The following MED9 variants were observed in gnomAD, a reference collection of about 807,000 sequenced individuals.
The protein encoded by MED9 is mediator of RNA polymerase II transcription subunit 9.
In MED9, 8 loss-of-function variants were observed where a neutral mutation model predicts 13.2. The observed-to-expected ratio is 0.61, with a 90% CI of 0.36 to 1.10. MED9 has a LOEUF of 1.10. Ranked by LOEUF, MED9 falls within the 50% of genes least tolerant of loss-of-function variation. The probability of loss-of-function intolerance (pLI) is 0.02; values close to 1 mark genes in which losing one functional copy is unlikely to be tolerated. For synonymous variants in MED9, 87 were observed against 82.8 expected (o/e 1.05, Z -0.28); for missense variants, 180 against 193.4 (o/e 0.93, Z 0.41).
At chr17:17,488,663 A>G (rs1023783824) in intron 1 of MED9, among the ~76,000 whole-genome samples, 1 of 152,156 alleles carries the variant, frequency 6.6e-6, no homozygotes, top group East Asian at 1.9e-4. Flanking sequence ...GAGAAACACC[A>G]TCTCTACTAA....
At chr17:17,480,377 A>C (rs1394043714) in intron 1 of MED9, among the ~76,000 whole-genome samples, 1 of 152,012 alleles carries the variant, frequency 6.6e-6, no homozygotes, top group Non-Finnish European at 1.5e-5. Flanking sequence ...ATTAATTCTG[A>C]GAAAATGAAC....
chr17:17,491,161 T>C (rs1567640574), intron 1 of MED9, 118 bp from the exon 2 acceptor site: 1 of 992,998 alleles, frequency 1.0e-6, no homozygotes, highest in Non-Finnish European at 1.5e-6. Flanking sequence ...GATAGACACA[T>C]AAAACGAAGT....
At chr17:17,490,366 C>T (rs772057184) in intron 1 of MED9, among the ~76,000 whole-genome samples, 5 of 152,292 alleles carry the variant, frequency 3.3e-5, no homozygotes, top group East Asian at 3.9e-4. Context: ...AACCGGGACC[C>T]GGGAGGTGGA....
Position 17,491,817 on chromosome 17 carries a change from T to G in MED9, c.*322T>G, listed in dbSNP as rs1042203108. 5 of 375,452 alleles carry G rather than the reference T, an allele frequency of 1.3e-5. No homozygotes were observed. Among genetic ancestry groups the G allele is most frequent in the Admixed American group, 1.1e-4 (3 of 26,358 alleles). 23.3% of individuals were successfully genotyped at this position (375,452 alleles called of 1,614,324 possible). On this transcript the variant is annotated 3_prime_UTR_variant, in exon 2 of 2. Coordinates refer to ENST00000268711, the MANE Select transcript of MED9 (RefSeq NM_018019.3). ...TGCCTCTGGGGAGGGGGCCATCTGC[T>G]GCGCCCGGCCCCACTGACAGATCTG... is the stretch of plus-strand genomic sequence containing the variant.
rs774489537 is a variant in MED9 at position 17,477,008 on chromosome 17, C to T, written c.-34C>T. 9 of 1,600,880 alleles carry T rather than the reference C, an allele frequency of 5.6e-6. No homozygotes were observed. The highest frequency in any genetic ancestry group is 3.4e-6 in the Non-Finnish European group (4 of 1,179,218). ...CGTGTAGAGTGCGCGACGCTTTTGG[C>T]GACCCGACCTCTGGCTAACCTACCC... On this transcript the variant is annotated 5_prime_UTR_variant, in exon 1 of 2. Coordinates refer to ENST00000268711, the MANE Select transcript of MED9 (RefSeq NM_018019.3).
chr17:17,485,239 A>C, intron 1 of MED9: 1 of 396,946 alleles, frequency 2.5e-6, no homozygotes, highest in African/African-American at 2.1e-5. Context: ...CTCTGTCTAC[A>C]GGCACACGCC....
At chr17:17,490,971 G>C (rs1905216418) in intron 1 of MED9, among the ~76,000 whole-genome samples, 1 of 152,186 alleles carries the variant, frequency 6.6e-6, no homozygotes, top group African/African-American at 2.4e-5. Flanking sequence ...CTGGGCCGGG[G>C]GTAGGGAGAC....
intron 1 of MED9, among the ~76,000 whole-genome samples, chr17:17,478,739 C>T (rs568749052): frequency 2.0e-5 from 3 of 152,160 alleles, no homozygotes; most frequent in South Asian, 4.2e-4. Flanking sequence ...TGCCTGTAAT[C>T]CCAGCTACTC....
intron 1 of MED9, among the ~76,000 whole-genome samples, chr17:17,481,186 A>C (rs1242514): frequency 0.68 from 103,461 of 152,040 alleles, 35,929 homozygotes; most frequent in Non-Finnish European, 0.76. Flanking sequence ...AAGACACAGT[A>C]CTGGCGGGTG....
chr17:17,477,009 G>T lies in MED9; in HGVS notation c.-33G>T, dbSNP rs1245347162. On this transcript the variant is annotated 5_prime_UTR_variant, in exon 1 of 2. Coordinates refer to ENST00000268711, the MANE Select transcript of MED9 (RefSeq NM_018019.3). ...GTGTAGAGTGCGCGACGCTTTTGGC[G>T]ACCCGACCTCTGGCTAACCTACCCC... is the stretch of plus-strand genomic sequence containing the variant. 1.2e-6 allele frequency: 2 copies of T among 1,601,274 alleles called. No individual in the cohort carries two copies. The highest frequency in any genetic ancestry group is 1.3e-5 in the African/African-American group (1 of 74,828).
intron 1 of MED9, 118 bp downstream of exon 1, chr17:17,477,383 A>ACC: frequency 8.6e-7 from 1 of 1,165,462 alleles, no homozygotes; most frequent in Non-Finnish European, 1.2e-6. Context: ...AGATGGGGAA[A>ACC]CTCAGACCCA....
intron 1 of MED9, among the ~76,000 whole-genome samples, chr17:17,484,565 C>G (rs1208413822): frequency 6.6e-6 from 1 of 152,274 alleles, no homozygotes; most frequent in East Asian, 1.9e-4. Context: ...AGTGCCCACA[C>G]TGGCTTCCCG....
intron 1 of MED9, among the ~76,000 whole-genome samples, chr17:17,482,468 C>T (rs1483806783): frequency 6.6e-6 from 1 of 152,222 alleles, no homozygotes; most frequent in Non-Finnish European, 1.5e-5. Flanking sequence ...TCCCTATAAA[C>T]TGTCCATTTC....
chr17:17,481,290 ATTCTTTGTTTAC>A lies in MED9; in HGVS notation c.224+4031_224+4042del, dbSNP rs558527620. Among the ~76,000 whole-genome samples the A allele has an allele frequency of 7.2e-4, 110 of 152,270 alleles. 1 individual carries two copies. The highest frequency in any genetic ancestry group is 2.5e-3 in the African/African-American group (105 of 41,556). On this transcript the variant is annotated intron_variant, in intron 1 of 1. Coordinates refer to ENST00000268711, the MANE Select transcript of MED9 (RefSeq NM_018019.3). ...CTATAACTTCCCCAATGATCCTTTT[ATTCTTTGTTTAC>A]TTCTTGCACAGGGGTGAGTAAGGAG...
rs1056248777 is a variant in MED9, at chr17:17,491,354, C to T, written c.300C>T (p.Leu100=). Residue 100 remains leucine (L), a synonymous_variant, in exon 2 of 2, where the codon CTC becomes CTT. Coordinates refer to ENST00000268711, the MANE Select transcript of MED9 (RefSeq NM_018019.3). The stretch of plus-strand genomic sequence containing the variant: ...GCAAGTTCCAGGAGATGCGCAAGCT[C>T]ATCAGCACCATGCCCGGCATCCACC... The part of the protein sequence containing the change: ...LKSKFQEMRK[L]ISTMPGIHLS... 2.4e-5 allele frequency: 38 copies of T among 1,613,928 alleles called. No homozygotes were observed. The highest frequency in any genetic ancestry group is 3.0e-5 in the Non-Finnish European group (35 of 1,180,046).
intron 1 of MED9, among the ~76,000 whole-genome samples, chr17:17,481,538 A>G (rs2142470735): frequency 6.6e-6 from 1 of 152,324 alleles, no homozygotes; most frequent in South Asian, 2.1e-4. Context: ...TATGAATGTC[A>G]TTTCAAAAAT....
chr17:17,485,299 G>C (rs906188112), intron 1 of MED9: 11 of 398,306 alleles, frequency 2.8e-5, no homozygotes, highest in Non-Finnish European at 4.0e-5. Flanking sequence ...TGTATTTTTA[G>C]TAGAGACGGG....
In MED9 at chr17:17,491,552, C is replaced by T. The variant is rs1280668683; in HGVS notation, c.*57C>T. ...AGCCAATGGCCTGTCTCCCCACTAC[C>T]ATCCCCAAACGCTCCTTGGGGCGTG... On this transcript the variant is annotated 3_prime_UTR_variant, in exon 2 of 2. Transcript: ENST00000268711. 1 of 1,476,868 alleles carries T rather than the reference C, an allele frequency of 6.8e-7. No individual in the cohort carries two copies. Among genetic ancestry groups the T allele is most frequent in the Non-Finnish European group, 9.4e-7 (1 of 1,062,150 alleles). 91.5% of individuals were successfully genotyped at this position (1,476,868 alleles called of 1,614,324 possible).
chr17:17,488,982 A>G (rs1164670769), intron 1 of MED9, among the ~76,000 whole-genome samples: 5 of 152,180 alleles, frequency 3.3e-5, no homozygotes, highest in African/African-American at 1.2e-4. Context: ...CCTTGAACAC[A>G]AAGGTAGGCC....
Sources: gnomAD v4.1 joint callset for allele counts (sites outside exome capture counted in the v4.1 genomes callset) on GRCh38, gnomAD v4.1.1 for gene constraint, MANE v1.5 for transcripts, NCBI Gene and HGNC (gene_info 2026-07-23, HGNC 2026-07-21) for gene names.